The following GPD1 variants were observed in gnomAD, a reference collection of about 807,000 sequenced individuals.
GPD1 encodes the protein glycerol-3-phosphate dehydrogenase 1.
In GPD1, 19 loss-of-function variants were observed where a neutral mutation model predicts 34.4. The observed-to-expected ratio is 0.55, with a 90% CI of 0.39 to 0.81. The LOEUF is 0.81. GPD1 is among the 30% of genes least tolerant of loss of function. The pLI, the probability that GPD1 is intolerant of heterozygous loss-of-function variation, is 0.00. For synonymous variants in GPD1, 172 were observed against 174.1 expected (o/e 0.99, Z 0.09); for missense variants, 429 against 447.0 (o/e 0.96, Z 0.36).
In GPD1 at chr12:50,107,634, T is replaced by C; in HGVS notation, c.680T>C (p.Val227Ala). The change falls in exon 6 of 8, where the codon GTG becomes GCG. Residue 227 changes from valine to alanine, a missense_variant. Val to Ala is a moderately conservative substitution (Grantham distance 64, BLOSUM62 0). Coordinates refer to ENST00000301149, the MANE Select transcript of GPD1 (RefSeq NM_005276.4). ...TTTGGCGACAACACCAAGGCGGCAG[T>C]GATCCGGCTGGGACTCATGGAGATG... ...LGFGDNTKAAVIRLGLMEMIA... is the reference protein window; with the variant it reads ...LGFGDNTKAAAIRLGLMEMIA... The C allele has an allele frequency of 6.2e-7, 1 of 1,614,156 alleles. No homozygotes were observed. The highest frequency in any genetic ancestry group is 8.5e-7 in the Non-Finnish European group (1 of 1,180,010).
chr12:50,107,954 C>T (rs1474110046), intron 6 of GPD1, 70 bp from the exon 7 acceptor site: 2 of 1,081,900 alleles, frequency 1.8e-6, no homozygotes, highest in Middle Eastern at 2.5e-4. Flanking sequence ...CATCTGAGCT[C>T]CAGTCTCTCC....
intron 6 of GPD1, 54 bp from the exon 7 acceptor site, chr12:50,107,970 C>A: frequency 1.7e-6 from 2 of 1,209,060 alleles, no homozygotes; most frequent in South Asian, 2.5e-5. Context: ...TCTCCACCCC[C>A]TACTGACAAC....
rs1427162708 is a variant in GPD1, at chr12:50,105,662, A to G, written c.334A>G (p.Asn112Asp). Reference sequence around the variant, plus strand: ...CCAGCTCAAGGGCCATCTGAAGGCAAACGCCACTGGCATATCTCTTATTAA... The same window carrying G: ...CCAGCTCAAGGGCCATCTGAAGGCAGACGCCACTGGCATATCTCTTATTAA... ...CDQLKGHLKANATGISLIKGV... is the reference protein window; with the variant it reads ...CDQLKGHLKADATGISLIKGV... Residue 112 changes from asparagine (N) to aspartate (D), a missense_variant, in exon 3 of 8, where the codon AAC (asparagine) becomes GAC (aspartate). Coordinates refer to ENST00000301149, the MANE Select transcript of GPD1 (RefSeq NM_005276.4). The G allele has an allele frequency of 1.9e-6, 3 of 1,614,194 alleles. No homozygotes were observed. Among genetic ancestry groups the G allele is most frequent in the Non-Finnish European group, 2.5e-6 (3 of 1,180,020 alleles).
chr12:50,107,607 G>C lies in GPD1; in HGVS notation c.653G>C (p.Gly218Ala). ...GGGGCTGGCTTCTGTGATGGCCTGG[G>C]CTTTGGCGACAACACCAAGGCGGCA... is the stretch of plus-strand genomic sequence containing the variant. Reference protein sequence around the residue: ...AVGAGFCDGLGFGDNTKAAVI... With the variant: ...AVGAGFCDGLAFGDNTKAAVI... Residue 218 changes from glycine (G) to alanine (A), a missense_variant, in exon 6 of 8, where the codon GGC becomes GCC. By Grantham distance (60) the Gly-to-Ala change is moderately conservative. Coordinates refer to ENST00000301149, the MANE Select transcript of GPD1 (RefSeq NM_005276.4). The C allele has an allele frequency of 6.2e-7, 1 of 1,614,130 alleles. No individual in the cohort carries two copies. Among genetic ancestry groups the C allele is most frequent in the Non-Finnish European group, 8.5e-7 (1 of 1,180,016 alleles).
intron 7 of GPD1, 127 bp from the exon 8 acceptor site, chr12:50,109,292 AACTC>A: frequency 1.6e-6 from 1 of 634,562 alleles, no homozygotes. Context: ...AGAAGGTAGA[AACTC>A]ACAGCCATCC....
chr12:50,109,401 A>G (rs776746785), intron 7 of GPD1, 22 bp from the exon 8 acceptor site: 1 of 1,263,628 alleles, frequency 7.9e-7, no homozygotes, highest in South Asian at 1.2e-5. Flanking sequence ...GGCTAAGCTG[A>G]GCCTTTCCCT....
At chr12:50,105,801 G>A in intron 3 of GPD1, 113 bp downstream of exon 3, 1 of 1,100,048 alleles carries the variant, frequency 9.1e-7, no homozygotes, top group Non-Finnish European at 1.3e-6. Context: ...AGAGTTTGCT[G>A]GAGAAAAGAG....
intron 7 of GPD1, among the ~76,000 whole-genome samples, chr12:50,108,965 T>C (rs1951002048): frequency 6.6e-6 from 1 of 151,758 alleles, no homozygotes; most frequent in African/African-American, 2.4e-5. Context: ...TGAAACCCCA[T>C]CTCTACTAAA....
intron 5 of GPD1, 45 bp downstream of exon 5, chr12:50,106,962 A>G (rs1592302185): frequency 1.7e-6 from 2 of 1,198,132 alleles, no homozygotes; most frequent in Admixed American, 1.7e-5. Context: ...AGAAGGCCCC[A>G]AAGGAGGTCT....
intron 4 of GPD1, 140 bp from the exon 5 acceptor site, chr12:50,106,665 A>G: frequency 1.5e-6 from 1 of 659,006 alleles, no homozygotes; most frequent in South Asian, 2.0e-5. Context: ...CCAGCTACTT[A>G]AGAGGCTGAG....
chr12:50,105,085 G>A (rs1377752986), intron 2 of GPD1: 3 of 337,782 alleles, frequency 8.9e-6, no homozygotes, highest in Non-Finnish European at 1.6e-5. Flanking sequence ...TAGCCGACTT[G>A]GAGGCTGCTC....
Position 50,104,069 on chromosome 12 carries a change from T to G in GPD1, c.19T>G (p.Cys7Gly), listed in dbSNP as rs1269264981. 1 of 1,613,934 alleles carries G rather than the reference T, an allele frequency of 6.2e-7. No homozygotes were observed. MASKKV[C>G]IVGSGNWGSA... ...CGGCACCATGGCTAGCAAGAAAGTC[T>G]GCATTGTAGGCTCCGGGAACTGGTA... Residue 7 changes from cysteine to glycine, a missense_variant, in exon 1 of 8, where the codon TGC becomes GGC. Cys to Gly is a radical substitution (Grantham distance 159, BLOSUM62 -3). Transcript: ENST00000301149.
Position 50,109,730 on chromosome 12 carries a change from G to A in GPD1, c.*211G>A. The stretch of plus-strand genomic sequence containing the variant: ...CAGCCTCATGCCACCACATTTGCCA[G>A]AAATGCAGTTGCCCTGTCCCTCTCC... On this transcript the variant is annotated 3_prime_UTR_variant, in exon 8 of 8. Coordinates refer to ENST00000301149, the MANE Select transcript of GPD1 (RefSeq NM_005276.4). 2 of 556,514 alleles carry A rather than the reference G, an allele frequency of 3.6e-6. No individual in the cohort carries two copies. Among genetic ancestry groups the A allele is most frequent in the South Asian group, 4.2e-5 (2 of 47,688 alleles). The allele number at this position is 556,514 out of a possible 1,614,324, so 34.5% of individuals were successfully genotyped here.
intron 3 of GPD1, 191 bp from the exon 4 acceptor site, chr12:50,106,097 G>A: frequency 1.6e-6 from 1 of 621,266 alleles, no homozygotes; most frequent in Non-Finnish European, 2.8e-6. Flanking sequence ...GACTGGTTGA[G>A]GGTATGTGGC....
chr12:50,106,433 G>A lies in GPD1; in HGVS notation c.499+7G>A. ...TTCTGTGAGACAACCATTGGTGAGA[G>A]CCCCCTGGCACCTGCATACACAGTG... is the stretch of plus-strand genomic sequence containing the variant. On this transcript the variant is annotated splice_region_variant and intron_variant, in intron 4 of 7. Transcript: ENST00000301149. The A allele has an allele frequency of 1.2e-6, 2 of 1,613,088 alleles. No individual in the cohort carries two copies. The highest frequency in any genetic ancestry group is 1.7e-6 in the Non-Finnish European group (2 of 1,179,308).
Position 50,109,672 on chromosome 12 carries a change from G to A in GPD1, c.*153G>A, listed in dbSNP as rs1951008641. On this transcript the variant is annotated 3_prime_UTR_variant, in exon 8 of 8. Coordinates refer to ENST00000301149, the MANE Select transcript of GPD1 (RefSeq NM_005276.4). The stretch of plus-strand genomic sequence containing the variant: ...ACAGGAGGCTATGGGGCCCAGCTAC[G>A]CACCTGGAGATCCTGAACTGTCAAG... 1.2e-5 allele frequency: 7 copies of A among 590,952 alleles called. No homozygotes were observed. Among genetic ancestry groups the A allele is most frequent in the South Asian group, 4.0e-5 (2 of 50,132 alleles). 36.6% of individuals were successfully genotyped at this position (590,952 alleles called of 1,614,324 possible).
chr12:50,105,720 G>T, intron 3 of GPD1, 32 bp downstream of exon 3: 1 of 1,610,854 alleles, frequency 6.2e-7, no homozygotes, highest in Non-Finnish European at 8.5e-7. Flanking sequence ...GGATGGGGGA[G>T]GGTGCGGCTC....
chr12:50,105,623 G>C lies in GPD1; in HGVS notation c.295G>C (p.Gly99Arg), dbSNP rs756025107. The C allele has an allele frequency of 1.2e-6, 2 of 1,614,146 alleles. No homozygotes were observed. Among genetic ancestry groups the C allele is most frequent in the Admixed American group, 3.3e-5 (2 of 60,028 alleles). The part of the protein sequence containing the change: ...LIFVVPHQFI[G>R]KICDQLKGHL... ...CTTTGTGGTGCCCCATCAGTTCATC[G>C]GCAAGATCTGTGACCAGCTCAAGGG... The change falls in exon 3 of 8, where the codon GGC becomes CGC. Residue 99 changes from glycine (G) to arginine (R), a missense_variant. By Grantham distance (125) the Gly-to-Arg change is moderately radical. Transcript: ENST00000301149.
chr12:50,104,284 C>T (rs1950962244), intron 1 of GPD1, 193 bp downstream of exon 1: 2 of 703,320 alleles, frequency 2.8e-6, no homozygotes, highest in South Asian at 3.1e-5. Flanking sequence ...TGCACCTGTT[C>T]ACCATGGGAA....
Sources: gnomAD v4.1 joint callset for allele counts (sites outside exome capture counted in the v4.1 genomes callset) on GRCh38, gnomAD v4.1.1 for gene constraint, MANE v1.5 for transcripts, NCBI Gene and HGNC (gene_info 2026-07-23, HGNC 2026-07-21) for gene names.